Variants in ADK observed in about 807,000 individuals in gnomAD.
The protein encoded by ADK is N6,N6-dimethyladenosine kinase.
In ADK, 24 loss-of-function variants were observed where a neutral mutation model predicts 44.7. The ratio of observed to expected loss-of-function variants is 0.54; its 90% CI spans 0.39 to 0.76. ADK has a LOEUF of 0.76. ADK is among the 30% of genes least tolerant of loss of function. The pLI is 0.00. For missense variants in ADK, 321 were observed against 425.1 expected (o/e 0.76, Z 2.15); for synonymous variants, 128 against 142.6 (o/e 0.90, Z 0.73).
At chr10:74,590,763 G>A (rs1243133892) in intron 8 of ADK, among the ~76,000 whole-genome samples, 1 of 152,074 alleles carries the variant, frequency 6.6e-6, no homozygotes, top group East Asian at 1.9e-4. Flanking sequence ...TTATATGTAG[G>A]ACAAAATGTA....
intron 3 of ADK, among the ~76,000 whole-genome samples, chr10:74,290,568 T>A (rs745823110): frequency 3.3e-5 from 5 of 152,012 alleles, no homozygotes; most frequent in Non-Finnish European, 5.9e-5. Context: ...AGATGTTAAA[T>A]GCTTTTATGA....
chr10:74,615,013 C>T (rs1852698128), intron 9 of ADK, among the ~76,000 whole-genome samples: 1 of 152,212 alleles, frequency 6.6e-6, no homozygotes, highest in Non-Finnish European at 1.5e-5. Flanking sequence ...CAGCACAAGG[C>T]TCATTCTAGC....
intron 6 of ADK, among the ~76,000 whole-genome samples, chr10:74,517,422 C>G (rs1357423888): frequency 1.3e-5 from 2 of 151,966 alleles, no homozygotes; most frequent in Non-Finnish European, 2.9e-5. Context: ...GGTGTGGTGG[C>G]TCACACCTGT....
intron 8 of ADK, among the ~76,000 whole-genome samples, chr10:74,592,129 G>T (rs1056639238): frequency 1.3e-5 from 2 of 152,114 alleles, no homozygotes; most frequent in African/African-American, 4.8e-5. Flanking sequence ...CTGGAGCTGG[G>T]CAGAACACAA....
chr10:74,327,918 T>C (rs554134639), intron 4 of ADK, among the ~76,000 whole-genome samples: 1 of 152,194 alleles, frequency 6.6e-6, no homozygotes, highest in African/African-American at 2.4e-5. Flanking sequence ...ACATTTTGAA[T>C]TTTTTTCTGA....
At chr10:74,160,550 G>T (rs1252466078) in intron 1 of ADK, among the ~76,000 whole-genome samples, 1 of 152,208 alleles carries the variant, frequency 6.6e-6, no homozygotes, top group Non-Finnish European at 1.5e-5. Context: ...CTAAGCCCCA[G>T]TTCTGGGGCT....
At position 74,598,440 on chromosome 10, in the gene ADK, C is replaced by CTTTTTTTTTTTTTTTTTTTTTTTTTT. The variant is rs367982701; in HGVS notation, c.763-1939_763-1938insTTTTTTTTTTTTTTTTTTTTTTTTTT. On this transcript the variant is annotated intron_variant, in intron 8 of 10. Transcript: ENST00000539909. ...TAGAAAGCAACCATGGAATCTTATTCCTTTTTTTTTTTTTTTTTTTTTTTT... is the reference window on the plus strand; with the variant it reads ...TAGAAAGCAACCATGGAATCTTATTCTTTTTTTTTTTTTTTTTTTTTTTTTTCTTTTTTTTTTTTTTTTTTTTTTTT... Among the ~76,000 whole-genome samples, 11 of 114,072 alleles carry CTTTTTTTTTTTTTTTTTTTTTTTTTT rather than the reference C, an allele frequency of 9.6e-5. 3 individuals are homozygous for CTTTTTTTTTTTTTTTTTTTTTTTTTT. The highest frequency in any genetic ancestry group is 2.0e-4 in the African/African-American group (5 of 24,958). 74.8% of individuals were successfully genotyped at this position (114,072 alleles called of 152,430 possible).
intron 1 of ADK, among the ~76,000 whole-genome samples, chr10:74,191,084 G>A (rs942121451): frequency 1.3e-5 from 2 of 150,254 alleles, no homozygotes; most frequent in African/African-American, 4.9e-5. Context: ...AGGTTCAAAC[G>A]ATTCCCCTGC....
intron 4 of ADK, among the ~76,000 whole-genome samples, chr10:74,374,962 T>C (rs1842774414): frequency 6.6e-6 from 1 of 152,154 alleles, no homozygotes; most frequent in Non-Finnish European, 1.5e-5. Flanking sequence ...ACTCCTCCAG[T>C]AGAGCTATGA....
intron 7 of ADK, among the ~76,000 whole-genome samples, chr10:74,581,697 C>G (rs915451486): frequency 6.6e-6 from 1 of 151,800 alleles, no homozygotes; most frequent in East Asian, 1.9e-4. Flanking sequence ...ACAACAACAA[C>G]AAAAATGCAT....
chr10:74,197,473 G>A (rs1843200956), intron 1 of ADK, among the ~76,000 whole-genome samples: 2 of 152,092 alleles, frequency 1.3e-5, no homozygotes, highest in South Asian at 4.1e-4. Flanking sequence ...CCCAAGGCGG[G>A]TGGATCATTT....
intron 1 of ADK, chr10:74,176,604 GCGCCAGTGAGC>G: frequency 7.2e-7 from 1 of 1,380,194 alleles, no homozygotes. Context: ...GCTAGCCCGC[GCGCCAGTGAGC>G]TGGCACGAGA....
chr10:74,238,668 A>T (rs1240289430), intron 3 of ADK, among the ~76,000 whole-genome samples: 1 of 152,160 alleles, frequency 6.6e-6, no homozygotes, highest in Non-Finnish European at 1.5e-5. Context: ...CTGCAAAGTT[A>T]TGGTCTCATG....
chr10:74,659,242 C>T (rs1177118031), intron 9 of ADK, among the ~76,000 whole-genome samples: 3 of 152,110 alleles, frequency 2.0e-5, no homozygotes, highest in African/African-American at 4.8e-5. Context: ...AATGCAGTCA[C>T]ACACACTAAA....
At chr10:74,662,278 CT>C (rs984430016) in intron 9 of ADK, among the ~76,000 whole-genome samples, 10 of 152,070 alleles carry the variant, frequency 6.6e-5, no homozygotes, top group African/African-American at 2.2e-4. Flanking sequence ...CTCTATCAGG[CT>C]GCCAAAATAA....
At chr10:74,310,629 TATC>T (rs1168558007) in intron 3 of ADK, among the ~76,000 whole-genome samples, 1 of 152,192 alleles carries the variant, frequency 6.6e-6, no homozygotes, top group Non-Finnish European at 1.5e-5. Flanking sequence ...TGTCCAGTGT[TATC>T]ATCATTTTTA....
At chr10:74,219,501 G>T (rs988184159) in intron 2 of ADK, among the ~76,000 whole-genome samples, 3 of 152,108 alleles carry the variant, frequency 2.0e-5, no homozygotes, top group African/African-American at 4.8e-5. Flanking sequence ...ATTGAACTCA[G>T]CTCTGCACCA....
intron 10 of ADK, among the ~76,000 whole-genome samples, chr10:74,684,883 C>A (rs1460271127): frequency 1.3e-5 from 2 of 152,134 alleles, no homozygotes; most frequent in African/African-American, 4.8e-5. Flanking sequence ...GTCAATGCCA[C>A]CCTTATTTTT....
At chr10:74,463,937 T>C (rs1846261409) in intron 6 of ADK, among the ~76,000 whole-genome samples, 1 of 152,206 alleles carries the variant, frequency 6.6e-6, no homozygotes, top group African/African-American at 2.4e-5. Context: ...AGCCTAAATG[T>C]AAGAGAAATG....
Sources: gnomAD v4.1 joint callset for allele counts (sites outside exome capture counted in the v4.1 genomes callset) on GRCh38, gnomAD v4.1.1 for gene constraint, MANE v1.5 for transcripts, NCBI Gene and HGNC (gene_info 2026-07-23, HGNC 2026-07-21) for gene names.